The following ILK variants were observed in gnomAD, a reference collection of about 807,000 sequenced individuals.
The protein encoded by ILK is integrin linked kinase.
In ILK, 37 loss-of-function variants were observed where a neutral mutation model predicts 57.8. The ratio of observed to expected loss-of-function variants is 0.64; its 90% CI spans 0.49 to 0.84. ILK has a LOEUF of 0.84. Ranked by LOEUF, ILK falls within the 40% of genes least tolerant of loss-of-function variation. The pLI is 0.00. For synonymous variants in ILK, 231 were observed against 202.2 expected (o/e 1.14, Z -1.21); for missense variants, 528 against 595.7 (o/e 0.89, Z 1.18).
Position 6,610,810 on chromosome 11 carries a change from T to C in ILK, c.*199T>C. 1.4e-6 allele frequency: 2 copies of C among 1,387,240 alleles called. No homozygotes were observed. Among genetic ancestry groups the C allele is most frequent in the Non-Finnish European group, 1.0e-6 (1 of 984,242 alleles). 85.9% of individuals were successfully genotyped at this position (1,387,240 alleles called of 1,614,324 possible). A position where few individuals can be genotyped will look rare whatever the true frequency, so the allele number is the denominator to read the frequency against. On this transcript the variant is annotated 3_prime_UTR_variant, in exon 13 of 13. Coordinates refer to ENST00000299421, the MANE Select transcript of ILK (RefSeq NM_004517.4). The stretch of plus-strand genomic sequence containing the variant: ...GCTCAGAGCTTTGTCACTTGCCACA[T>C]GGTGTCTCCCAACATGGGAGGGATC...
chr11:6,606,385 T>G (rs1854910828), intron 2 of ILK: 1 of 152,214 alleles, frequency 6.6e-6, no homozygotes, highest in South Asian at 2.1e-4. Flanking sequence ...AGTCTAGACT[T>G]CACTGGTTCC....
chr11:6,607,960 A>G (rs1855093187), intron 2 of ILK, 86 bp from the exon 3 acceptor site: 3 of 1,380,104 alleles, frequency 2.2e-6, no homozygotes, highest in Non-Finnish European at 3.1e-6. Context: ...GCCTTCCCAG[A>G]GAGTATGTAA....
rs781192537 is a variant in ILK at position 6,608,931 on chromosome 11, G to C, written c.496G>C (p.Asp166His). The C allele has an allele frequency of 6.2e-7, 1 of 1,614,222 alleles. No homozygotes were observed. Among genetic ancestry groups the C allele is most frequent in the Non-Finnish European group, 8.5e-7 (1 of 1,180,050 alleles). The change falls in exon 6 of 13, where the codon GAC becomes CAC. Residue 166 changes from aspartate (D) to histidine (H), a missense_variant. Transcript: ENST00000299421. This position sits in a 1 kb window ranked among gnomAD's most constrained non-coding sequence, Gnocchi z 4.9. Reference protein sequence around the residue: ...GQNLNRIPYKDTFWKGTTRTR... With the variant: ...GQNLNRIPYKHTFWKGTTRTR... ...GAATCTCAACCGTATTCCATACAAG[G>C]ACACATTCTGGAAGGGGACCACCCG... is the stretch of plus-strand genomic sequence containing the variant.
In ILK at chr11:6,609,547, G is replaced by T. The variant is rs1385486344; in HGVS notation, c.764G>T (p.Gly255Val). The T allele has an allele frequency of 3.1e-6, 5 of 1,614,010 alleles. No homozygotes were observed. Among genetic ancestry groups the T allele is most frequent in the Non-Finnish European group, 4.2e-6 (5 of 1,180,042 alleles). ...CATCCAAATGTGCTCCCAGTGCTAG[G>T]TGCCTGCCAGTCTCCACCTGCTCCT... is the stretch of plus-strand genomic sequence containing the variant. The part of the protein sequence containing the change: ...FSHPNVLPVL[G>V]ACQSPPAPHP... The change falls in exon 9 of 13, where the codon GGT (glycine) becomes GTT (valine). Residue 255 changes from glycine (G) to valine (V), a missense_variant. Coordinates refer to ENST00000299421, the MANE Select transcript of ILK (RefSeq NM_004517.4).
In ILK at chr11:6,609,775, G is replaced by A; in HGVS notation, c.908G>A (p.Arg303Lys). 1.2e-6 allele frequency: 2 copies of A among 1,614,230 alleles called. No homozygotes were observed. Among genetic ancestry groups the A allele is most frequent in the Non-Finnish European group, 1.7e-6 (2 of 1,180,032 alleles). ...QAVKFALDMA[R>K]GMAFLHTLEP... ...GTGAAGTTTGCTTTGGACATGGCAA[G>A]GGGCATGGCCTTCCTACACACACTA... The change falls in exon 10 of 13, where the codon AGG (arginine) becomes AAG (lysine). Residue 303 changes from arginine to lysine, a missense_variant. Physicochemically the swap from Arg to Lys is conservative, Grantham distance 26 (BLOSUM62 2). Transcript: ENST00000299421.
At chr11:6,610,106 G>C in intron 11 of ILK, 42 bp from the exon 12 acceptor site, 22 of 1,613,902 alleles carry the variant, frequency 1.4e-5, no homozygotes, top group Non-Finnish European at 1.9e-5. Context: ...GCAGAGACAG[G>C]ACAGGCAAGG....
rs1230446340 is a variant in ILK, at chr11:6,608,992, G to A, written c.532+25G>A. The A allele has an allele frequency of 6.2e-7, 1 of 1,613,594 alleles. No homozygotes were observed. Among genetic ancestry groups the A allele is most frequent in the African/African-American group, 1.3e-5 (1 of 74,900 alleles). Reference sequence around the variant, plus strand: ...CGTGAGTCACCACTGTGGGAAGAAGGGTTGTAAAAGGAAATAATCCTGGCC... The same window carrying A: ...CGTGAGTCACCACTGTGGGAAGAAGAGTTGTAAAAGGAAATAATCCTGGCC... On this transcript the variant is annotated intron_variant, in intron 6 of 12. Transcript: ENST00000299421. This position sits in a 1 kb window ranked among gnomAD's most constrained non-coding sequence, Gnocchi z 4.9.
At chr11:6,610,361 A>G (rs1403763441) in intron 12 of ILK, 83 bp downstream of exon 12, 15 of 1,613,106 alleles carry the variant, frequency 9.3e-6, no homozygotes, top group East Asian at 6.7e-5. Flanking sequence ...GGCTCCTCAC[A>G]TATTTGTTCG....
At chr11:6,607,940 A>G in intron 2 of ILK, 106 bp from the exon 3 acceptor site, 3 of 1,180,234 alleles carry the variant, frequency 2.5e-6, no homozygotes, top group Non-Finnish European at 3.7e-6. Context: ...TCAAAGTCCT[A>G]GAGAGGTAAG....
intron 2 of ILK, 76 bp downstream of exon 2, chr11:6,604,436 G>T: frequency 1.5e-6 from 2 of 1,349,510 alleles, no homozygotes; most frequent in Admixed American, 3.9e-5. Context: ...CTCATGTCTG[G>T]TGGTGGCGGC....
intron 2 of ILK, chr11:6,605,063 G>A: frequency 2.9e-6 from 1 of 346,596 alleles, no homozygotes; most frequent in Non-Finnish European, 5.6e-6. Flanking sequence ...TGGGAACTTG[G>A]TTGTTTTTAC....
chr11:6,606,454 A>G (rs1854917387), intron 2 of ILK: 1 of 152,128 alleles, frequency 6.6e-6, no homozygotes, highest in Non-Finnish European at 1.5e-5. Flanking sequence ...TCCATTTTTC[A>G]TATAATTCTC....
At chr11:6,607,973 A>G in intron 2 of ILK, 73 bp from the exon 3 acceptor site, 1 of 1,474,128 alleles carries the variant, frequency 6.8e-7, no homozygotes, top group East Asian at 2.3e-5. Flanking sequence ...GTATGTAATT[A>G]TCAGTTTTTC....
chr11:6,604,829 A>AT (rs777183090), intron 2 of ILK: 1 of 458,032 alleles, frequency 2.2e-6, no homozygotes, highest in South Asian at 1.5e-5. Flanking sequence ...GTATAGTGAC[A>AT]TAATGAGATT....
chr11:6,605,131 T>G (rs1854728777), intron 2 of ILK, among the ~76,000 whole-genome samples: 1 of 152,152 alleles, frequency 6.6e-6, no homozygotes, highest in African/African-American at 2.4e-5. Context: ...AAAGTTAAGG[T>G]GACAATACAG....
At position 6,609,416 on chromosome 11, in the gene ILK, A is replaced by G. The variant is rs766469332; in HGVS notation, c.728+8A>G. 2 of 1,613,526 alleles carry G rather than the reference A, an allele frequency of 1.2e-6. No homozygotes were observed. Among genetic ancestry groups the G allele is most frequent in the African/African-American group, 2.7e-5 (2 of 74,912 alleles). ...AGAGTGTCCCCGGCTCAGGTAGTGC[A>G]AGGCGTAACCTGGAAGCTGCTAGTT... On this transcript the variant is annotated splice_region_variant and intron_variant, in intron 8 of 12. Coordinates refer to ENST00000299421, the MANE Select transcript of ILK (RefSeq NM_004517.4).
At position 6,610,003 on chromosome 11, in the gene ILK, G is replaced by T. The variant is rs377094824; in HGVS notation, c.1046G>T (p.Arg349Leu). ...AAGTTCTCTTTCCAATGTCCTGGTC[G>T]CATGTATGCACCTGCCTGGGTAGCC... ...DVKFSFQCPGRMYAPAWVAPE... is the reference protein window; with the variant it reads ...DVKFSFQCPGLMYAPAWVAPE... Residue 349 changes from arginine (R) to leucine (L), a missense_variant, in exon 11 of 13, where the codon CGC becomes CTC. Coordinates refer to ENST00000299421, the MANE Select transcript of ILK (RefSeq NM_004517.4). 1.3e-4 allele frequency: 215 copies of T among 1,614,034 alleles called. No individual in the cohort carries two copies. Among genetic ancestry groups the T allele is most frequent in the Non-Finnish European group, 1.7e-4 (198 of 1,180,032 alleles).
In ILK at chr11:6,609,754, A is replaced by C. The variant is rs1855312958; in HGVS notation, c.887A>C (p.Lys296Thr). ...NFVVDQSQAV[K>T]FALDMARGMA... ...GTCGTGGACCAGAGCCAGGCTGTGA[A>C]GTTTGCTTTGGACATGGCAAGGGGC... Residue 296 changes from lysine (K) to threonine (T), a missense_variant, in exon 10 of 13, where the codon AAG becomes ACG. Transcript: ENST00000299421. 1.4e-5 allele frequency: 22 copies of C among 1,614,122 alleles called. No individual in the cohort carries two copies. Among genetic ancestry groups the C allele is most frequent in the Non-Finnish European group, 1.9e-5 (22 of 1,180,010 alleles).
Position 6,608,165 on chromosome 11 carries a change from C to T in ILK, c.209C>T (p.Pro70Leu), listed in dbSNP as rs1306619165. ...GTAATGAACCGTGGGGATGACACCC[C>T]CCTGCATCTGGCAGCCAGTCATGGA... ...INVMNRGDDT[P>L]LHLAASHGHR... The change falls in exon 3 of 13, where the codon CCC becomes CTC. Residue 70 changes from proline to leucine, a missense_variant. Transcript: ENST00000299421. The surrounding 1 kb of genome is among the most constrained non-coding windows in gnomAD (Gnocchi z 4.9). The T allele has an allele frequency of 6.2e-7, 1 of 1,614,034 alleles. No homozygotes were observed. The highest frequency in any genetic ancestry group is 8.5e-7 in the Non-Finnish European group (1 of 1,180,042).
Sources: allele counts gnomAD v4.1 joint callset (sites outside exome capture counted in the v4.1 genomes callset), GRCh38; gene constraint gnomAD v4.1.1; non-coding constraint Gnocchi (gnomAD v3.1); transcripts MANE v1.5; gene names NCBI Gene and HGNC (gene_info 2026-07-23, HGNC 2026-07-21).